NIPSNAP3B: variants seen among roughly 807,000 people sequenced by gnomAD.
NIPSNAP3B encodes the protein nipsnap homolog 3B.
In NIPSNAP3B, 30 loss-of-function variants were observed where a neutral mutation model predicts 31.5. The ratio of observed to expected loss-of-function variants is 0.95; its 90% CI spans 0.71 to 1.29. NIPSNAP3B has a LOEUF of 1.29. NIPSNAP3B is among the 50% of genes most tolerant of loss of function. The probability of loss-of-function intolerance (pLI) is 0.00; values close to 1 mark genes in which losing one functional copy is unlikely to be tolerated. For synonymous variants in NIPSNAP3B, 106 were observed against 107.9 expected (o/e 0.98, Z 0.11); for missense variants, 269 against 300.7 (o/e 0.89, Z 0.78).
rs1288865161 is a variant in NIPSNAP3B, at chr9:104,764,230, G to A, written c.-11G>A. The A allele has an allele frequency of 1.9e-6, 3 of 1,600,080 alleles. No homozygotes were observed. The highest frequency in any genetic ancestry group is 1.7e-5 in the Admixed American group (1 of 58,278). ...TCGGCTGGCTGCTTTTCTCAGTGCC[G>A]AAGCCGCGCCATGCTCGTTCTCAGA... On this transcript the variant is annotated 5_prime_UTR_variant, in exon 1 of 6. Coordinates refer to ENST00000374762, the MANE Select transcript of NIPSNAP3B (RefSeq NM_018376.4).
At chr9:104,781,826 T>G (rs916083897), downstream of NIPSNAP3B, 5 of 152,580 alleles carry the variant, frequency 3.3e-5, no homozygotes, top group Non-Finnish European at 7.4e-5. Flanking sequence ...CCACAGGGAA[T>G]ATACAGAAAT....
At position 104,764,205 on chromosome 9, in the gene NIPSNAP3B, T is replaced by C; in HGVS notation, c.-36T>C. ...ACTTCAGAGAAGTCTCACAAAGGAC[T>C]CGGCTGGCTGCTTTTCTCAGTGCCG... On this transcript the variant is annotated 5_prime_UTR_variant, in exon 1 of 6. Transcript: ENST00000374762. 3.8e-6 allele frequency: 6 copies of C among 1,582,528 alleles called. No individual in the cohort carries two copies. Among genetic ancestry groups the C allele is most frequent in the Non-Finnish European group, 4.3e-6 (5 of 1,164,506 alleles).
At chr9:104,768,828 A>T in intron 2 of NIPSNAP3B, 35 bp from the exon 3 acceptor site, 1 of 1,573,784 alleles carries the variant, frequency 6.4e-7, no homozygotes, top group Non-Finnish European at 8.6e-7. Flanking sequence ...GATTTTAAAT[A>T]AAAAAACATT....
the NIPSNAP3B span, chr9:104,787,060 T>A: frequency 8.7e-7 from 1 of 1,151,964 alleles, no homozygotes; most frequent in Non-Finnish European, 1.3e-6. Context: ...GAAGCATCTT[T>A]GAAACAGCTT....
downstream of NIPSNAP3B, chr9:104,782,172 TGAG>T (rs779432273): frequency 2.1e-4 from 32 of 152,098 alleles, no homozygotes; most frequent in Middle Eastern, 3.2e-3. Flanking sequence ...AAATATTAAA[TGAG>T]GAGAAATTAT....
At chr9:104,764,601 G>T (rs1178149832) in intron 1 of NIPSNAP3B, among the ~76,000 whole-genome samples, 1 of 152,172 alleles carries the variant, frequency 6.6e-6, no homozygotes, top group African/African-American at 2.4e-5. Context: ...GTGCAGTGGC[G>T]TAGTCTCGGC....
chr9:104,767,180 C>CT (rs1828107091), intron 2 of NIPSNAP3B, among the ~76,000 whole-genome samples: 1 of 151,984 alleles, frequency 6.6e-6, no homozygotes, highest in South Asian at 2.1e-4. Flanking sequence ...TGATAGTTAA[C>CT]TTTTAAGCGT....
At chr9:104,788,900 G>A in the NIPSNAP3B span, among the ~76,000 whole-genome samples, 49 of 152,236 alleles carry the variant, frequency 3.2e-4, no homozygotes, top group African/African-American at 4.6e-4. Flanking sequence ...GGGCTTTAAC[G>A]CTAAGGCCCC....
chr9:104,780,538 A>ATTT (rs772210189), downstream of NIPSNAP3B, among the ~76,000 whole-genome samples: 9 of 152,334 alleles, frequency 5.9e-5, no homozygotes, highest in Non-Finnish European at 1.0e-4. Flanking sequence ...TATTAGTATC[A>ATTT]TTTCTGTTTC....
At chr9:104,784,569 C>T in the NIPSNAP3B span, 72 of 1,242,418 alleles carry the variant, frequency 5.8e-5, no homozygotes, top group South Asian at 8.6e-4. Flanking sequence ...TACAGAATTA[C>T]ATAAATGGAT....
At chr9:104,780,108 A>G (rs1001321925), downstream of NIPSNAP3B, among the ~76,000 whole-genome samples, 5 of 152,182 alleles carry the variant, frequency 3.3e-5, no homozygotes, top group African/African-American at 4.8e-5. Flanking sequence ...TTATTTTTCA[A>G]TAAAGTTTTT....
chr9:104,769,453 CA>C (rs34083177), intron 3 of NIPSNAP3B, among the ~76,000 whole-genome samples: 41 of 109,430 alleles, frequency 3.7e-4, no homozygotes, highest in Non-Finnish European at 4.9e-4. Flanking sequence ...GACTCCGTCT[CA>C]AAAAAAAAAA....
At chr9:104,766,655 A>G in intron 2 of NIPSNAP3B, 120 bp downstream of exon 2, 1 of 955,526 alleles carries the variant, frequency 1.0e-6, no homozygotes, top group South Asian at 1.6e-5. Flanking sequence ...AGACTTTTTA[A>G]AAGCAATACC....
At chr9:104,780,961 C>T (rs541845778), downstream of NIPSNAP3B, 1 of 152,702 alleles carries the variant, frequency 6.5e-6, no homozygotes, top group South Asian at 2.1e-4. Flanking sequence ...GGCTTTATAA[C>T]CCTTCAACAG....
chr9:104,785,017 A>G, the NIPSNAP3B span, among the ~76,000 whole-genome samples: 1 of 152,062 alleles, frequency 6.6e-6, no homozygotes, highest in Non-Finnish European at 1.5e-5. Flanking sequence ...TTTGGCACAT[A>G]CGGTCTTGAT....
chr9:104,788,736 G>A, the NIPSNAP3B span, among the ~76,000 whole-genome samples: 2 of 152,122 alleles, frequency 1.3e-5, no homozygotes, highest in African/African-American at 2.4e-5. Context: ...AGCTCTTCCT[G>A]GCAGGCAGGG....
chr9:104,786,674 T>G, the NIPSNAP3B span, among the ~76,000 whole-genome samples: 83 of 152,360 alleles, frequency 5.4e-4, 1 homozygote, highest in African/African-American at 2.0e-3. Context: ...CTTGGAATAA[T>G]GTTTACAATA....
chr9:104,788,640 T>G, the NIPSNAP3B span: 6 of 1,556,054 alleles, frequency 3.9e-6, no homozygotes, highest in Non-Finnish European at 5.3e-6. Flanking sequence ...TGGCCTAATG[T>G]TCCTGTAAAG....
rs989769429 is a variant in NIPSNAP3B, at chr9:104,770,798, G to T, written c.431-51G>T. 5 of 1,560,608 alleles carry T rather than the reference G, an allele frequency of 3.2e-6. No individual in the cohort carries two copies. The African/African-American group carries it at 4.1e-5, about 13-fold the overall frequency. ...TAATGAAATCAGGAAAACCTGGTTA[G>T]AAATTGTTTGAATGTCTTCTGTGAA... is the stretch of plus-strand genomic sequence containing the variant. On this transcript the variant is annotated intron_variant, in intron 3 of 5. Coordinates refer to ENST00000374762, the MANE Select transcript of NIPSNAP3B (RefSeq NM_018376.4).
Sources: allele counts gnomAD v4.1 joint callset (sites outside exome capture counted in the v4.1 genomes callset), GRCh38; gene constraint gnomAD v4.1.1; transcripts MANE v1.5; gene names NCBI Gene and HGNC (gene_info 2026-07-23, HGNC 2026-07-21).